The following ANP32A variants were observed in gnomAD, a reference collection of about 807,000 sequenced individuals.
ANP32A encodes the protein acidic leucine-rich nuclear phosphoprotein 32 family member A.
ANP32A carries 1 observed loss-of-function variant against 33.9 expected under a neutral mutation model. The observed-to-expected ratio is 0.03, with a 90% CI of 0.01 to 0.14. The LOEUF (loss-of-function observed/expected upper bound fraction) is 0.14, where lower values mean the gene tolerates loss of function less well. ANP32A is among the 10% of genes least tolerant of loss of function. The pLI is 1.00. For missense variants in ANP32A, 155 were observed against 306.0 expected, an observed-to-expected ratio of 0.51 and a Z score of 3.68; for synonymous variants, 115 against 120.5, an observed-to-expected ratio of 0.95 and a Z score of 0.30.
intron 1 of ANP32A, among the ~76,000 whole-genome samples, chr15:68,795,710 CT>C (rs897555510): frequency 5.9e-5 from 9 of 152,222 alleles, no homozygotes; most frequent in African/African-American, 2.2e-4. Flanking sequence ...GAGTTTTGGG[CT>C]TGCCAAATGG....
chr15:68,783,076 G>A (rs1233151911), intron 4 of ANP32A, 23 bp from the exon 5 acceptor site: 12 of 1,551,426 alleles, frequency 7.7e-6, no homozygotes, highest in South Asian at 7.1e-5. Context: ...AATGGGGAAC[G>A]GAAACAGAAC....
intron 1 of ANP32A, among the ~76,000 whole-genome samples, chr15:68,812,138 A>G (rs1467514478): frequency 6.6e-6 from 1 of 152,188 alleles, no homozygotes; most frequent in Non-Finnish European, 1.5e-5. Flanking sequence ...TGTGCCAGAC[A>G]GTGCGGCAGG....
intron 5 of ANP32A, 50 bp downstream of exon 5, chr15:68,782,890 CAGAGGCAGTCAGTGGG>C: frequency 6.5e-7 from 1 of 1,544,836 alleles, no homozygotes; most frequent in Non-Finnish European, 8.7e-7. Flanking sequence ...AGACTGATCA[CAGAGGCAGTCAGTGGG>C]ACTGCCTCAA....
intron 1 of ANP32A, among the ~76,000 whole-genome samples, chr15:68,788,173 A>G (rs373959757): frequency 1.3e-3 from 193 of 152,240 alleles, no homozygotes; most frequent in African/African-American, 4.3e-3. Flanking sequence ...CCAGGGGGCC[A>G]CTCCAGACAG....
At chr15:68,784,749 A>G (rs1893911706) in intron 3 of ANP32A, among the ~76,000 whole-genome samples, 154 bp from the exon 4 acceptor site, 2 of 152,212 alleles carry the variant, frequency 1.3e-5, no homozygotes, top group Non-Finnish European at 1.5e-5. Context: ...GCTTAGCCAC[A>G]GTGTTTGCCC....
At position 68,780,480 on chromosome 15, in the gene ANP32A, G is replaced by T; in HGVS notation, c.625-7C>A. 6.2e-7 allele frequency: 1 copy of T among 1,613,934 alleles called. No homozygotes were observed. Among genetic ancestry groups the T allele is most frequent in the Non-Finnish European group, 8.5e-7 (1 of 1,179,866 alleles). ...TATAACCTTCTTCATCCTCCTAGGAGAAAGGACAGACACCAGAACATTAGA... is the reference window on the plus strand; with the variant it reads ...TATAACCTTCTTCATCCTCCTAGGATAAAGGACAGACACCAGAACATTAGA... On this transcript the variant is annotated splice_region_variant and splice_polypyrimidine_tract_variant and intron_variant, in intron 5 of 6. Transcript: ENST00000465139. The surrounding 1 kb of genome is among the most constrained non-coding windows in gnomAD (Gnocchi z 4.3).
At chr15:68,807,287 A>G (rs1252862894) in intron 1 of ANP32A, among the ~76,000 whole-genome samples, 1 of 149,512 alleles carries the variant, frequency 6.7e-6, no homozygotes, top group Non-Finnish European at 1.5e-5. Flanking sequence ...GGGGAGTTTA[A>G]AGGCAAGAAG....
At chr15:68,799,610 T>C (rs1894104874) in intron 1 of ANP32A, among the ~76,000 whole-genome samples, 1 of 152,186 alleles carries the variant, frequency 6.6e-6, no homozygotes, top group Non-Finnish European at 1.5e-5. Context: ...AGGAGGCTTC[T>C]ACCATGGCAG....
rs1411422135 is a variant in ANP32A, at chr15:68,780,007, A to G, written c.*74T>C. On this transcript the variant is annotated 3_prime_UTR_variant, in exon 7 of 7. Coordinates refer to ENST00000465139, the MANE Select transcript of ANP32A (RefSeq NM_006305.4). This position sits in a 1 kb window ranked among gnomAD's most constrained non-coding sequence, Gnocchi z 4.3. ...AATAAGTTTCAGGGGGCAGGATTGG[A>G]GGGGGGGGGGAGAGGGGATATGGGT... 374 of 1,061,070 alleles carry G rather than the reference A, an allele frequency of 3.5e-4. 1 individual carries two copies. The African/African-American group carries it at 4.0e-3, about 11-fold the overall frequency. The allele number at this position is 1,061,070 out of a possible 1,614,324, so 65.7% of individuals were successfully genotyped here. A position where few individuals can be genotyped will look rare whatever the true frequency, so the allele number is the denominator to read the frequency against.
chr15:68,782,765 A>C, intron 5 of ANP32A, 191 bp downstream of exon 5: 1 of 1,052,600 alleles, frequency 9.5e-7, no homozygotes, highest in Non-Finnish European at 1.3e-6. Flanking sequence ...CAGCCTCCCC[A>C]GAGCTTACTG....
At chr15:68,793,421 C>T (rs567792803) in intron 1 of ANP32A, among the ~76,000 whole-genome samples, 65 of 152,172 alleles carry the variant, frequency 4.3e-4, no homozygotes, top group Non-Finnish European at 6.8e-4. Context: ...ACCTGAATGA[C>T]CCAGTGCTCT....
chr15:68,820,895 TA>T, upstream of ANP32A: 1 of 939,536 alleles, frequency 1.1e-6, no homozygotes, highest in South Asian at 1.5e-5. Context: ...CGGCGCACAC[TA>T]ACCTGATCGC....
In ANP32A at chr15:68,820,606, C is replaced by G. The variant is rs1350393760; in HGVS notation, c.54+92G>C. The G allele has an allele frequency of 1.4e-5, 5 of 358,646 alleles. No individual in the cohort carries two copies. In the Admixed American group the frequency reaches 2.3e-4, roughly 17 times the overall value. The allele number at this position is 358,646 out of a possible 1,614,324, so 22.2% of individuals were successfully genotyped here. A position where few individuals can be genotyped will look rare whatever the true frequency, so the allele number is the denominator to read the frequency against. ...ACCCGCACCTCCCGGGCGCCCCCCC[C>G]CAAAAAAAGTGCCTCCCCCCAGCGC... On this transcript the variant is annotated intron_variant, in intron 1 of 6. Transcript: ENST00000465139.
intron 1 of ANP32A, among the ~76,000 whole-genome samples, chr15:68,807,651 G>A (rs1389538760): frequency 3.3e-5 from 5 of 152,040 alleles, no homozygotes; most frequent in East Asian, 1.9e-4. Flanking sequence ...TTCAGGGTCC[G>A]TCTACAACCC....
chr15:68,790,299 A>G (rs1893983597), intron 1 of ANP32A: 1 of 152,282 alleles, frequency 6.6e-6, no homozygotes, highest in Non-Finnish European at 1.5e-5. Flanking sequence ...GGCCTCAGAG[A>G]GCAGTGCTGG....
chr15:68,818,488 C>T (rs893517701), intron 1 of ANP32A, among the ~76,000 whole-genome samples: 3 of 152,110 alleles, frequency 2.0e-5, no homozygotes, highest in Admixed American at 1.3e-4. Context: ...GCAGAAAGTG[C>T]CCCCTCCTCC....
At chr15:68,813,843 G>C (rs1458626375) in intron 1 of ANP32A, among the ~76,000 whole-genome samples, 1 of 148,736 alleles carries the variant, frequency 6.7e-6, no homozygotes, top group Non-Finnish European at 1.5e-5. Flanking sequence ...GATGTCTAAA[G>C]AGTATCCTAC....
In ANP32A at chr15:68,778,693, T is replaced by G. The variant is rs1462536429; in HGVS notation, c.*1388A>C. Reference sequence around the variant, plus strand: ...TTGTTTTTTTAGTAACTCTGTAACTTTTTTAAAGGAAGCTTTTAATGAAGA... The same window carrying G: ...TTGTTTTTTTAGTAACTCTGTAACTGTTTTAAAGGAAGCTTTTAATGAAGA... On this transcript the variant is annotated 3_prime_UTR_variant, in exon 7 of 7. Transcript: ENST00000465139. The G allele has an allele frequency of 6.6e-6, 1 of 152,130 alleles. No homozygotes were observed. Among genetic ancestry groups the G allele is most frequent in the Non-Finnish European group, 1.5e-5 (1 of 68,042 alleles). The allele number at this position is 152,130 out of a possible 1,614,324, so 9.4% of individuals were successfully genotyped here.
At chr15:68,793,269 A>G (rs1290448934) in intron 1 of ANP32A, among the ~76,000 whole-genome samples, 1 of 152,226 alleles carries the variant, frequency 6.6e-6, no homozygotes, top group East Asian at 1.9e-4. Context: ...TCAAACTGTC[A>G]TGAAACGTAT....
Sources: allele counts gnomAD v4.1 joint callset (sites outside exome capture counted in the v4.1 genomes callset), GRCh38; gene constraint gnomAD v4.1.1; non-coding constraint Gnocchi (gnomAD v3.1); transcripts MANE v1.5; gene names NCBI Gene and HGNC (gene_info 2026-07-23, HGNC 2026-07-21).